The following FASTKD1 variants were observed in gnomAD, a reference collection of about 807,000 sequenced individuals.
FASTKD1 encodes FAST kinase domains 1.
In FASTKD1, 94 loss-of-function variants were observed where a neutral mutation model predicts 90.9. The ratio of observed to expected loss-of-function variants is 1.03; its 90% confidence interval spans 0.88 to 1.23. The LOEUF (loss-of-function observed/expected upper bound fraction) is 1.23, where lower values mean the gene tolerates loss of function less well. FASTKD1 is among the 50% of genes most tolerant of loss of function. The pLI is 0.00. For synonymous variants in FASTKD1, 319 were observed against 345.8 expected (o/e 0.92, Z 0.86); for missense variants, 945 against 993.5 (o/e 0.95, Z 0.66).
intron 3 of FASTKD1, among the ~76,000 whole-genome samples, chr2:169,565,769 G>A (rs1044995168): frequency 1.3e-5 from 2 of 152,186 alleles, no homozygotes; most frequent in Non-Finnish European, 2.9e-5. Flanking sequence ...CCTCCAAACT[G>A]TTCTCCATAG....
At chr2:169,537,114 A>G (rs1684754422) in intron 12 of FASTKD1, 113 bp downstream of exon 12, 1 of 697,976 alleles carries the variant, frequency 1.4e-6, no homozygotes, top group East Asian at 2.8e-5. Context: ...TTTAATAATA[A>G]TAACAACTTG....
chr2:169,548,636 G>C (rs1413733242), intron 7 of FASTKD1, among the ~76,000 whole-genome samples: 1 of 148,758 alleles, frequency 6.7e-6, no homozygotes, highest in Non-Finnish European at 1.5e-5. Context: ...GGAGGCTAAG[G>C]CATGAGAATC....
chr2:169,563,444 TA>T lies in FASTKD1; in HGVS notation c.447-95del, dbSNP rs1366927086. ...ATAAAATTAAAAGCAATCAAAATAG[TA>T]AATTACATAAAATTTTTTTTCTAAA... On this transcript the variant is annotated intron_variant, in intron 3 of 14. Coordinates refer to ENST00000453153, the MANE Select transcript of FASTKD1 (RefSeq NM_024622.6). 1.5e-5 allele frequency: 13 copies of T among 888,748 alleles called. No homozygotes were observed. The African/African-American group carries it at 2.3e-4, about 16-fold the overall frequency. The allele number at this position is 888,748 out of a possible 1,614,324, so 55.1% of individuals were successfully genotyped here. A position where few individuals can be genotyped will look rare whatever the true frequency, so the allele number is the denominator to read the frequency against.
chr2:169,557,903 A>G (rs1426167970), intron 5 of FASTKD1, among the ~76,000 whole-genome samples: 1 of 152,242 alleles, frequency 6.6e-6, no homozygotes, highest in Non-Finnish European at 1.5e-5. Flanking sequence ...GAAACGTGAC[A>G]TCTGATAGGA....
chr2:169,551,858 G>A (rs1418995043), intron 7 of FASTKD1, among the ~76,000 whole-genome samples: 1 of 152,098 alleles, frequency 6.6e-6, no homozygotes, highest in Admixed American at 6.6e-5. Context: ...ACCAATCCAT[G>A]CAGTTACAAA....
intron 13 of FASTKD1, 139 bp from the exon 14 acceptor site, chr2:169,530,840 T>C (rs1684449649): frequency 1.1e-5 from 7 of 645,290 alleles, no homozygotes; most frequent in Non-Finnish European, 1.9e-5. Flanking sequence ...GTTATGTTTC[T>C]ACTAAGAAAT....
chr2:169,547,557 A>G (rs1003901997), intron 7 of FASTKD1, among the ~76,000 whole-genome samples: 3 of 152,178 alleles, frequency 2.0e-5, no homozygotes, highest in African/African-American at 7.2e-5. Context: ...GACAAAAGCC[A>G]ATATATATAA....
chr2:169,551,859 C>A (rs1177336855), intron 7 of FASTKD1, among the ~76,000 whole-genome samples: 1 of 152,018 alleles, frequency 6.6e-6, no homozygotes, highest in Admixed American at 6.6e-5. Context: ...CCAATCCATG[C>A]AGTTACAAAT....
Position 169,540,162 on chromosome 2 carries a change from T to C in FASTKD1, c.1834A>G (p.Ile612Val). 1 of 1,585,680 alleles carries C rather than the reference T, an allele frequency of 6.3e-7. No individual in the cohort carries two copies. Among genetic ancestry groups the C allele is most frequent in the Non-Finnish European group, 8.6e-7 (1 of 1,158,110 alleles). Residue 612 changes from isoleucine to valine, a missense_variant, in exon 10 of 15, where the codon ATA (isoleucine) becomes GTA (valine). Ile to Val is a conservative substitution (Grantham distance 29). Transcript: ENST00000453153. ...AAAGAGAAACCAAGAAACACTAATA[T>C]AAAAGGATCCAATATACCTAAAAGA... Reference protein sequence around the residue: ...NSYLGILDPFILVFLGFSLAT... With the variant: ...NSYLGILDPFVLVFLGFSLAT...
intron 5 of FASTKD1, among the ~76,000 whole-genome samples, chr2:169,559,082 C>T (rs1304967437): frequency 2.0e-5 from 3 of 151,140 alleles, no homozygotes; most frequent in Non-Finnish European, 2.9e-5. Flanking sequence ...TCAAGCGATT[C>T]TCCTGCCTCA....
In FASTKD1 at chr2:169,560,723, A is replaced by G. The variant is rs1683551021; in HGVS notation, c.635T>C (p.Leu212Pro). The change falls in exon 5 of 15, where the codon CTG becomes CCG. Residue 212 changes from leucine to proline, a missense_variant. Leu to Pro is a moderately conservative substitution (Grantham distance 98). Transcript: ENST00000453153. ...AAAAAGAAGTTCTGTTTTGTTCACCAGTTGTTGTTGAAAATGTCGTGATAT... is the reference window on the plus strand; with the variant it reads ...AAAAAGAAGTTCTGTTTTGTTCACCGGTTGTTGTTGAAAATGTCGTGATAT... ...SLISRHFQQQ[L>P]VNKTELLFDT... 3 of 1,602,162 alleles carry G rather than the reference A, an allele frequency of 1.9e-6. No homozygotes were observed. Among genetic ancestry groups the G allele is most frequent in the Non-Finnish European group, 2.6e-6 (3 of 1,175,754 alleles).
chr2:169,565,214 G>A (rs1480307079), intron 3 of FASTKD1, among the ~76,000 whole-genome samples: 2 of 129,788 alleles, frequency 1.5e-5, no homozygotes, highest in Non-Finnish European at 3.1e-5. Context: ...GCCTCCGAAA[G>A]TGCTGGGATT....
chr2:169,558,511 G>T (rs562646350), intron 5 of FASTKD1, among the ~76,000 whole-genome samples: 1 of 151,270 alleles, frequency 6.6e-6, no homozygotes, highest in Non-Finnish European at 1.5e-5. Flanking sequence ...GTGCAATGGC[G>T]CAATCCTGGC....
In FASTKD1 at chr2:169,560,406, C is replaced by T; in HGVS notation, c.952G>A (p.Gly318Arg). The change falls in exon 5 of 15, where the codon GGA becomes AGA. Residue 318 changes from glycine (G) to arginine (R), a missense_variant. Physicochemically the swap from Gly to Arg is moderately radical, Grantham distance 125 (BLOSUM62 -2). Coordinates refer to ENST00000453153, the MANE Select transcript of FASTKD1 (RefSeq NM_024622.6). ...ACTTACTGTTTCTTTTCTTCAGGTCCTGCAATGGGTCCCAATGCTACAAAC... is the reference window on the plus strand; with the variant it reads ...ACTTACTGTTTCTTTTCTTCAGGTCTTGCAATGGGTCCCAATGCTACAAAC... ...KLFVALGPIA[G>R]PEEKKQLKST... 6.5e-7 allele frequency: 1 copy of T among 1,543,218 alleles called. No homozygotes were observed.
intron 9 of FASTKD1, among the ~76,000 whole-genome samples, chr2:169,543,021 C>A (rs918735040): frequency 6.6e-6 from 1 of 152,078 alleles, no homozygotes; most frequent in East Asian, 1.9e-4. Context: ...ACTACAAATG[C>A]AGGAGATGGA....
At chr2:169,534,600 C>T (rs1024370791) in intron 12 of FASTKD1, among the ~76,000 whole-genome samples, 10 of 152,026 alleles carry the variant, frequency 6.6e-5, no homozygotes, top group Middle Eastern at 3.4e-3. Context: ...GCTGGGATTA[C>T]AGGCGTGCGC....
intron 3 of FASTKD1, among the ~76,000 whole-genome samples, chr2:169,564,255 A>G (rs1414822697): frequency 6.6e-6 from 1 of 152,148 alleles, no homozygotes; most frequent in Non-Finnish European, 1.5e-5. Flanking sequence ...AAAGACCTTT[A>G]TAAGACAATC....
chr2:169,549,618 C>A (rs1685401965), intron 7 of FASTKD1, among the ~76,000 whole-genome samples: 1 of 151,890 alleles, frequency 6.6e-6, no homozygotes, highest in African/African-American at 2.4e-5. Context: ...GTACATGCCA[C>A]CACGCCCAGC....
chr2:169,540,204 A>T, intron 9 of FASTKD1, 25 bp from the exon 10 acceptor site: 1 of 1,521,790 alleles, frequency 6.6e-7, no homozygotes, highest in Non-Finnish European at 9.0e-7. Flanking sequence ...AGATTTTTTT[A>T]AAGGTATAGC....
Sources: gnomAD v4.1 joint callset for allele counts (sites outside exome capture counted in the v4.1 genomes callset) on GRCh38, gnomAD v4.1.1 for gene constraint, MANE v1.5 for transcripts, NCBI Gene and HGNC (gene_info 2026-07-23, HGNC 2026-07-21) for gene names.